Variants in TBC1D5 observed in about 807,000 individuals in gnomAD.
The protein encoded by TBC1D5 is TBC1 domain family, member 5.
In TBC1D5, 75 loss-of-function variants were observed where a neutral mutation model predicts 100.3. The observed-to-expected ratio is 0.75, with a 90% confidence interval of 0.62 to 0.91. The LOEUF (loss-of-function observed/expected upper bound fraction) is 0.91, where lower values mean the gene tolerates loss of function less well. Among genes scored for constraint, TBC1D5 ranks in the 40% least tolerant of loss-of-function variants. The pLI is 0.00. For synonymous variants in TBC1D5, 323 were observed against 325.6 expected, an observed-to-expected ratio of 0.99 and a Z score of 0.09; for missense variants, 910 against 942.4, an observed-to-expected ratio of 0.97 and a Z score of 0.45.
intron 8 of TBC1D5, among the ~76,000 whole-genome samples, chr3:17,397,528 T>A (rs995591050): frequency 1.3e-5 from 2 of 152,120 alleles, no homozygotes; most frequent in Non-Finnish European, 2.9e-5. Context: ...TGTGCCACCA[T>A]GTCTGGCTAA....
At chr3:17,212,705 C>A (rs1036963820) in intron 18 of TBC1D5, among the ~76,000 whole-genome samples, 1 of 150,922 alleles carries the variant, frequency 6.6e-6, no homozygotes, top group Non-Finnish European at 1.5e-5. Context: ...TGTGCGTGTC[C>A]GTTTTTAACA....
chr3:17,726,326 C>T (rs1211311483), intron 1 of TBC1D5, among the ~76,000 whole-genome samples: 1 of 152,190 alleles, frequency 6.6e-6, no homozygotes, highest in Non-Finnish European at 1.5e-5. Flanking sequence ...TACATTCCCA[C>T]CACCAGTTTT....
chr3:17,349,964 G>C (rs531328237), intron 13 of TBC1D5, among the ~76,000 whole-genome samples: 1 of 152,246 alleles, frequency 6.6e-6, no homozygotes, highest in South Asian at 2.1e-4. Flanking sequence ...AAAGAGTTCT[G>C]TCATGCCCTA....
chr3:17,448,765 G>T (rs1193168127), intron 3 of TBC1D5, among the ~76,000 whole-genome samples: 1 of 151,436 alleles, frequency 6.6e-6, no homozygotes, highest in African/African-American at 2.5e-5. Flanking sequence ...TATTTACAGA[G>T]CACAGTGAGA....
chr3:17,630,973 G>A (rs1407012861), intron 1 of TBC1D5, among the ~76,000 whole-genome samples: 2 of 150,326 alleles, frequency 1.3e-5, no homozygotes, highest in Non-Finnish European at 3.0e-5. Flanking sequence ...GAACCCGGGA[G>A]GCAGACGTTG....
chr3:17,609,129 A>G (rs1236183186), intron 2 of TBC1D5, among the ~76,000 whole-genome samples: 10 of 152,178 alleles, frequency 6.6e-5, no homozygotes, highest in Non-Finnish European at 1.5e-4. Flanking sequence ...TTTATTTCCT[A>G]TCCCTAATTG....
At position 17,631,794 on chromosome 3, in the gene TBC1D5, C is replaced by T. The variant is rs143566592; in HGVS notation, c.-100-7881G>A. ...TGATTTATTGAACATTTTAAGCCCA[C>T]TGTGGACCTACTGCTCAGAAAAAAA... is the stretch of plus-strand genomic sequence containing the variant. On this transcript the variant is annotated intron_variant, in intron 1 of 21. Coordinates refer to ENST00000253692, the Ensembl canonical transcript of TBC1D5. 1.0e-3 allele frequency among the ~76,000 whole-genome samples: 153 copies of T among 152,304 alleles called. 1 individual carries two copies. The highest frequency in any genetic ancestry group is 3.4e-3 in the African/African-American group (142 of 41,560).
At position 17,689,893 on chromosome 3, in the gene TBC1D5, G is replaced by C. The variant is rs200457837; in HGVS notation, c.-101+49450C>G. ...ACCTAAACATACAACAAACAGGATA[G>C]GACCCCTCCCCCCCAAAAAATCAGT... On this transcript the variant is annotated intron_variant, in intron 1 of 21. Transcript: ENST00000253692. Among the ~76,000 whole-genome samples the C allele has an allele frequency of 0.024, 2,518 of 103,416 alleles. 51 individuals are homozygous for C. The East Asian group carries it at 0.28, about 11-fold the overall frequency. The allele number at this position is 103,416 out of a possible 152,430, so 67.8% of individuals were successfully genotyped here.
chr3:17,258,987 A>C (rs556726001), intron 15 of TBC1D5, among the ~76,000 whole-genome samples: 3 of 152,280 alleles, frequency 2.0e-5, no homozygotes, highest in South Asian at 4.1e-4. Flanking sequence ...GGGGGAAGAG[A>C]AAGTCATTAG....
chr3:17,619,249 C>T (rs191337299), intron 2 of TBC1D5, among the ~76,000 whole-genome samples: 10 of 152,130 alleles, frequency 6.6e-5, no homozygotes, highest in South Asian at 4.2e-4. Context: ...AAGCTTTTTA[C>T]GGAGTTAGAC....
At chr3:17,323,269 C>T (rs2085663743) in intron 13 of TBC1D5, among the ~76,000 whole-genome samples, 1 of 152,256 alleles carries the variant, frequency 6.6e-6, no homozygotes, top group South Asian at 2.1e-4. Flanking sequence ...TATCGTGAGG[C>T]CAGCATTACT....
At chr3:17,352,806 T>C (rs1019395781) in intron 13 of TBC1D5, among the ~76,000 whole-genome samples, 7 of 151,808 alleles carry the variant, frequency 4.6e-5, no homozygotes, top group African/African-American at 1.7e-4. Context: ...TCCAGAAATA[T>C]GAGTTGTACG....
chr3:17,200,803 T>A (rs1247671653), intron 18 of TBC1D5, among the ~76,000 whole-genome samples: 1 of 152,172 alleles, frequency 6.6e-6, no homozygotes, highest in Non-Finnish European at 1.5e-5. Flanking sequence ...TTTAAAAAAT[T>A]TCTCCTGAGC....
At chr3:17,193,024 T>A (rs1262569156) in intron 18 of TBC1D5, among the ~76,000 whole-genome samples, 2 of 152,260 alleles carry the variant, frequency 1.3e-5, no homozygotes, top group African/African-American at 4.8e-5. Context: ...GGATTTTGTA[T>A]CACTTTTCAC....
At chr3:17,433,533 AACC>A (rs1173536902) in intron 3 of TBC1D5, among the ~76,000 whole-genome samples, 5 of 152,156 alleles carry the variant, frequency 3.3e-5, no homozygotes, top group Admixed American at 3.3e-4. Flanking sequence ...GCATGGGGGT[AACC>A]GCCCTCATGA....
At chr3:17,564,330 GA>G (rs1262762448) in intron 2 of TBC1D5, among the ~76,000 whole-genome samples, 4 of 152,072 alleles carry the variant, frequency 2.6e-5, no homozygotes, top group African/African-American at 9.7e-5. Flanking sequence ...CCTATAAAGT[GA>G]AATACTTTTA....
chr3:17,706,204 C>A, intron 1 of TBC1D5: 1 of 1,551,596 alleles, frequency 6.4e-7, no homozygotes, highest in Non-Finnish European at 8.7e-7. Context: ...TCCGGCATCG[C>A]GGCGAGGCCC....
chr3:17,275,957 T>C (rs1354004071), intron 15 of TBC1D5, among the ~76,000 whole-genome samples: 1 of 152,188 alleles, frequency 6.6e-6, no homozygotes, highest in African/African-American at 2.4e-5. Flanking sequence ...CATAGGTGTA[T>C]AGTATGTTGG....
intron 16 of TBC1D5, among the ~76,000 whole-genome samples, chr3:17,256,011 G>C (rs2077631527): frequency 6.6e-6 from 1 of 152,154 alleles, no homozygotes; most frequent in African/African-American, 2.4e-5. Flanking sequence ...ACTCCAGCCT[G>C]GGCGACAAAG....
Sources: allele counts gnomAD v4.1 joint callset (sites outside exome capture counted in the v4.1 genomes callset), GRCh38; gene constraint gnomAD v4.1.1; transcripts MANE v1.5; gene names NCBI Gene and HGNC (gene_info 2026-07-23, HGNC 2026-07-21).